Variants in FLYWCH2 observed in about 807,000 individuals in gnomAD.
FLYWCH2 encodes FLYWCH family member 2.
Under a neutral mutation model 6.0 loss-of-function variants are expected in FLYWCH2, and 2 were observed. The ratio of observed to expected loss-of-function variants is 0.33; its 90% CI spans 0.14 to 1.04. FLYWCH2 has a LOEUF of 1.04. Ranked by LOEUF, FLYWCH2 falls within the 50% of genes least tolerant of loss-of-function variation. The pLI, the probability that FLYWCH2 is intolerant of heterozygous loss-of-function variation, is 0.45. For missense variants in FLYWCH2, 192 were observed against 183.4 expected (o/e 1.05, Z -0.27); for synonymous variants, 87 against 79.3 (o/e 1.10, Z -0.52).
intron 1 of FLYWCH2, 41 bp downstream of exon 1, chr16:2,883,407 T>C (rs1047225505): frequency 2.0e-5 from 3 of 150,868 alleles, no homozygotes; most frequent in African/African-American, 7.4e-5. Flanking sequence ...TCCTGCGTCC[T>C]CGGCATGGAC....
intron 3 of FLYWCH2, 84 bp downstream of exon 3, chr16:2,896,855 C>A: frequency 7.7e-7 from 1 of 1,291,952 alleles, no homozygotes; most frequent in Non-Finnish European, 1.1e-6. Context: ...TCAGGCGCTT[C>A]TCCCTGGCAT....
chr16:2,885,239 G>A (rs565311966), intron 1 of FLYWCH2, among the ~76,000 whole-genome samples: 3 of 151,818 alleles, frequency 2.0e-5, no homozygotes, highest in East Asian at 3.9e-4. Flanking sequence ...GGAGAATGGC[G>A]TGAACCCGGG....
chr16:2,883,637 C>T (rs1311782170), intron 1 of FLYWCH2, among the ~76,000 whole-genome samples: 1 of 152,184 alleles, frequency 6.6e-6, no homozygotes, highest in Admixed American at 6.6e-5. Context: ...GTGTCCGCCG[C>T]GCCCAGCGCT....
intron 1 of FLYWCH2, among the ~76,000 whole-genome samples, chr16:2,883,760 AC>A (rs1567301388): frequency 1.3e-5 from 2 of 151,944 alleles, no homozygotes; most frequent in Non-Finnish European, 2.9e-5. Context: ...CGGGGGAGAC[AC>A]TCGGGGCCTC....
chr16:2,886,773 G>A (rs926645284), intron 1 of FLYWCH2, among the ~76,000 whole-genome samples: 7 of 150,490 alleles, frequency 4.7e-5, no homozygotes, highest in South Asian at 2.1e-4. Flanking sequence ...CACCTGCCTC[G>A]GCCTCCCAAA....
intron 1 of FLYWCH2, among the ~76,000 whole-genome samples, chr16:2,887,439 G>A (rs1446754585): frequency 1.3e-5 from 2 of 151,178 alleles, no homozygotes; most frequent in Non-Finnish European, 2.9e-5. Flanking sequence ...AGGTTTATAG[G>A]CATGAGCCAC....
chr16:2,892,743 C>T (rs909954114), intron 1 of FLYWCH2, among the ~76,000 whole-genome samples: 1 of 151,142 alleles, frequency 6.6e-6, no homozygotes, highest in African/African-American at 2.4e-5. Context: ...ATGTGGGAGG[C>T]TGAGGCAGGA....
In FLYWCH2 at chr16:2,886,833, ATTGT is replaced by A. The variant is rs536830747; in HGVS notation, c.-200+3479_-200+3482del. Among the ~76,000 whole-genome samples, 18 of 151,808 alleles carry A rather than the reference ATTGT, an allele frequency of 1.2e-4. No homozygotes were observed. The South Asian group carries it at 2.1e-3, about 18-fold the overall frequency. ...ACCATGCCCAGCCGCCCATTTTTAA[ATTGT>A]TTGTTTGTTTGCTTGTTTATTACTG... On this transcript the variant is annotated intron_variant, in intron 1 of 3. Coordinates refer to ENST00000396958, the MANE Select transcript of FLYWCH2 (RefSeq NM_138439.3).
chr16:2,884,562 A>AAAAAAAAAAAAAAC lies in FLYWCH2; in HGVS notation c.-200+1209_-200+1210insCAAAAAAAAAAAAA, dbSNP rs1372534937. Among the ~76,000 whole-genome samples, 10 of 141,602 alleles carry AAAAAAAAAAAAAAC rather than the reference A, an allele frequency of 7.1e-5. No homozygotes were observed. The South Asian group carries it at 9.0e-4, about 13-fold the overall frequency. The allele number at this position is 141,602 out of a possible 152,430, so 92.9% of individuals were successfully genotyped here. The stretch of plus-strand genomic sequence containing the variant: ...ATGGTGAAACCCCGTCTCTACTAAA[A>AAAAAAAAAAAAAAC]AAAAAAAAAAAAAAATACAAAAATT... On this transcript the variant is annotated intron_variant, in intron 1 of 3. Coordinates refer to ENST00000396958, the MANE Select transcript of FLYWCH2 (RefSeq NM_138439.3).
chr16:2,891,628 A>G (rs932325582), intron 1 of FLYWCH2, among the ~76,000 whole-genome samples: 1 of 151,864 alleles, frequency 6.6e-6, no homozygotes, highest in African/African-American at 2.4e-5. Context: ...GATGGTCTTG[A>G]TCTCCTGACC....
intron 1 of FLYWCH2, among the ~76,000 whole-genome samples, chr16:2,883,921 T>G (rs2069668478): frequency 6.6e-6 from 1 of 152,208 alleles, no homozygotes; most frequent in Admixed American, 6.5e-5. Context: ...CTGCCATGGC[T>G]GAAATTGCCA....
chr16:2,897,692 C>T (rs1270431151), intron 3 of FLYWCH2, among the ~76,000 whole-genome samples: 2 of 152,248 alleles, frequency 1.3e-5, no homozygotes, highest in Non-Finnish European at 2.9e-5. Flanking sequence ...CCTGCTGTCC[C>T]CTGCAGGAGG....
chr16:2,897,093 G>A (rs2069832105), intron 3 of FLYWCH2, among the ~76,000 whole-genome samples: 1 of 152,204 alleles, frequency 6.6e-6, no homozygotes, highest in Non-Finnish European at 1.5e-5. Flanking sequence ...GTCTTGGCTC[G>A]CAGCTGTTCG....
At chr16:2,897,928 C>A (rs561785949) in intron 3 of FLYWCH2, among the ~76,000 whole-genome samples, 2 of 143,856 alleles carry the variant, frequency 1.4e-5, no homozygotes, top group Admixed American at 1.4e-4. Context: ...GAAGAAGAGG[C>A]GTAGCAGGTG....
chr16:2,884,746 C>T (rs1396579064), intron 1 of FLYWCH2, among the ~76,000 whole-genome samples: 5 of 151,308 alleles, frequency 3.3e-5, no homozygotes, highest in Non-Finnish European at 7.4e-5. Flanking sequence ...TGGTGGTGCA[C>T]GCTTGTAATC....
rs1326938329 is a variant in FLYWCH2 at position 2,899,272 on chromosome 16, T to TC, written c.*123_*124insC. 103 of 543,038 alleles carry TC rather than the reference T, an allele frequency of 1.9e-4. No individual in the cohort carries two copies. Among genetic ancestry groups the TC allele is most frequent in the Middle Eastern group, 3.9e-4 (1 of 2,538 alleles). The allele number at this position is 543,038 out of a possible 1,614,324, so 33.6% of individuals were successfully genotyped here. On this transcript the variant is annotated 3_prime_UTR_variant, in exon 4 of 4. Transcript: ENST00000396958. ...TAACATTGTGTGATTTCTTTTCTTT[T>TC]TTTTTTTTTTTTTAGATCAAGTATA...
intron 1 of FLYWCH2, among the ~76,000 whole-genome samples, chr16:2,893,680 C>T (rs2069785101): frequency 6.8e-6 from 1 of 146,968 alleles, no homozygotes; most frequent in East Asian, 2.0e-4. Context: ...CTCTGTCGCC[C>T]AGGCTGGAGT....
In FLYWCH2 at chr16:2,894,761, T is replaced by A. The variant is rs9673454; in HGVS notation, c.-199-459T>A. Among the ~76,000 whole-genome samples, 485 of 150,238 alleles carry A rather than the reference T, an allele frequency of 3.2e-3. 2 individuals carry two copies. The highest frequency in any genetic ancestry group is 0.011 in the African/African-American group (463 of 41,402). On this transcript the variant is annotated intron_variant, in intron 1 of 3. Coordinates refer to ENST00000396958, the MANE Select transcript of FLYWCH2 (RefSeq NM_138439.3). ...TGCTTTTGTTTAGTGGTCAGAGGAC[T>A]ACAGAGGGAAGCTCTCAGGACAAGG...
intron 1 of FLYWCH2, among the ~76,000 whole-genome samples, chr16:2,893,627 T>G (rs2069783509): frequency 7.1e-6 from 1 of 141,244 alleles, no homozygotes; most frequent in Admixed American, 7.3e-5. Flanking sequence ...GGCCCTTTTC[T>G]TTTCTTCTTT....
Sources: gnomAD v4.1 joint callset for allele counts (sites outside exome capture counted in the v4.1 genomes callset) on GRCh38, gnomAD v4.1.1 for gene constraint, MANE v1.5 for transcripts, NCBI Gene and HGNC (gene_info 2026-07-23, HGNC 2026-07-21) for gene names.